MYO3B: variants seen among roughly 807,000 people sequenced by gnomAD.
MYO3B encodes the protein myosin-IIIb.
In MYO3B, 156 loss-of-function variants were observed where a neutral mutation model predicts 174.6. That is an observed-to-expected ratio of 0.89 (90% CI 0.78 to 1.02). The LOEUF is 1.02. Ranked by LOEUF, MYO3B falls within the 50% of genes least tolerant of loss-of-function variation. The pLI is 0.00. For missense variants in MYO3B, 1,632 were observed against 1,639.4 expected, an observed-to-expected ratio of 1.00 and a Z score of 0.08; for synonymous variants, 563 against 569.1, an observed-to-expected ratio of 0.99 and a Z score of 0.15.
At chr2:170,262,007 C>T (rs2093349270) in intron 7 of MYO3B, among the ~76,000 whole-genome samples, 1 of 152,244 alleles carries the variant, frequency 6.6e-6, no homozygotes, top group Non-Finnish European at 1.5e-5. Flanking sequence ...AGAGCTTCTG[C>T]CCTTGAGAGT....
At chr2:170,362,962 T>C (rs924627255) in intron 8 of MYO3B, among the ~76,000 whole-genome samples, 2 of 152,226 alleles carry the variant, frequency 1.3e-5, no homozygotes, top group Non-Finnish European at 2.9e-5. Flanking sequence ...TACTGTGTGC[T>C]CTGATATTTA....
chr2:170,586,974 G>C (rs898830344), intron 32 of MYO3B, among the ~76,000 whole-genome samples: 2 of 152,166 alleles, frequency 1.3e-5, no homozygotes, highest in Non-Finnish European at 2.9e-5. Flanking sequence ...AACTCAATTC[G>C]TATGGATTTT....
At chr2:170,469,999 G>A (rs1327470971) in intron 25 of MYO3B, among the ~76,000 whole-genome samples, 1 of 150,898 alleles carries the variant, frequency 6.6e-6, no homozygotes, top group Non-Finnish European at 1.5e-5. Flanking sequence ...CTACTGAGCA[G>A]GCTGAGGCAG....
chr2:170,286,816 T>G (rs374739590), intron 7 of MYO3B, among the ~76,000 whole-genome samples: 5 of 152,134 alleles, frequency 3.3e-5, no homozygotes, highest in African/African-American at 1.2e-4. Context: ...TTTACCATTT[T>G]TAAGTATAGA....
chr2:170,619,734 A>ATTTT (rs1553539465), intron 32 of MYO3B, among the ~76,000 whole-genome samples: 3 of 33,518 alleles, frequency 9.0e-5, no homozygotes, highest in Non-Finnish European at 1.5e-4. Flanking sequence ...CTGCTGCCAT[A>ATTTT]TTCTTTTTTT....
At chr2:170,593,981 C>T (rs73978726) in intron 32 of MYO3B, among the ~76,000 whole-genome samples, 4,917 of 152,220 alleles carry the variant, frequency 0.032, 292 homozygotes, top group African/African-American at 0.11. Context: ...CCCAGCATTC[C>T]TTCTCATCCA....
At chr2:170,372,733 G>T (rs1423120735) in intron 9 of MYO3B, among the ~76,000 whole-genome samples, 1 of 152,218 alleles carries the variant, frequency 6.6e-6, no homozygotes, top group Non-Finnish European at 1.5e-5. Flanking sequence ...ACCTAAGTCA[G>T]TCTGGGGTTG....
intron 22 of MYO3B, among the ~76,000 whole-genome samples, chr2:170,413,241 CTGTT>C (rs761069442): frequency 2.6e-5 from 4 of 152,206 alleles, no homozygotes; most frequent in East Asian, 1.9e-4. Flanking sequence ...GGAGTGGTGT[CTGTT>C]TGTTTGTTTT....
chr2:170,200,210 A>T lies in MYO3B; in HGVS notation c.247A>T (p.Asn83Tyr). Residue 83 changes from asparagine (N) to tyrosine (Y), a missense_variant, in exon 3 of 35, where the codon AAT becomes TAT. By Grantham distance (143) the Asn-to-Tyr change is moderately radical. Transcript: ENST00000408978. ...NILQFLPNHPNVVKFYGMFYK... is the reference protein window; with the variant it reads ...NILQFLPNHPYVVKFYGMFYK... ...TTTGCAGTTCCTTCCTAATCATCCC[A>T]ATGTTGTAAAGTTTTATGGGATGTT... is the stretch of plus-strand genomic sequence containing the variant. The T allele has an allele frequency of 6.2e-7, 1 of 1,613,616 alleles. No individual in the cohort carries two copies. The highest frequency in any genetic ancestry group is 8.5e-7 in the Non-Finnish European group (1 of 1,179,688).
rs190467328 is a variant in MYO3B, at chr2:170,369,080, T to C, written c.816-142T>C. 193 of 574,144 alleles carry C rather than the reference T, an allele frequency of 3.4e-4. 3 individuals are homozygous for C. In the East Asian group the frequency reaches 3.7e-3, roughly 11 times the overall value. The allele number at this position is 574,144 out of a possible 1,614,324, so 35.6% of individuals were successfully genotyped here. On this transcript the variant is annotated intron_variant, in intron 8 of 34. Transcript: ENST00000408978. Reference sequence around the variant, plus strand: ...TATTTTTCTGTTTTCTGGTACATATTAATTAAAGAGAGAGCTGTGTATCAT... The same window carrying C: ...TATTTTTCTGTTTTCTGGTACATATCAATTAAAGAGAGAGCTGTGTATCAT...
chr2:170,635,038 G>C (rs542802699), intron 32 of MYO3B, among the ~76,000 whole-genome samples: 68 of 152,362 alleles, frequency 4.5e-4, no homozygotes, highest in African/African-American at 1.6e-3. Flanking sequence ...TTCAACCATT[G>C]TGGAAGACAG....
chr2:170,375,975 T>A (rs2094289685), intron 9 of MYO3B, among the ~76,000 whole-genome samples: 1 of 152,180 alleles, frequency 6.6e-6, no homozygotes, highest in Non-Finnish European at 1.5e-5. Flanking sequence ...TAATATTAAT[T>A]TTATGCTGGT....
chr2:170,517,341 A>C (rs1688380475), intron 29 of MYO3B, among the ~76,000 whole-genome samples: 1 of 152,238 alleles, frequency 6.6e-6, no homozygotes, highest in African/African-American at 2.4e-5. Context: ...AACCCCAGCA[A>C]AGTAGCTGGG....
chr2:170,479,705 A>G (rs1685558945), intron 25 of MYO3B, among the ~76,000 whole-genome samples: 1 of 147,272 alleles, frequency 6.8e-6, no homozygotes, highest in South Asian at 2.2e-4. Flanking sequence ...ATATATACAC[A>G]TATATAACAC....
intron 7 of MYO3B, among the ~76,000 whole-genome samples, chr2:170,314,261 T>G (rs2105476928): frequency 6.6e-6 from 1 of 152,304 alleles, no homozygotes; most frequent in East Asian, 1.9e-4. Flanking sequence ...GAGGGCAAAA[T>G]AGGCTCCGTT....
At chr2:170,550,051 A>G (rs1051369049) in intron 32 of MYO3B, among the ~76,000 whole-genome samples, 1 of 152,230 alleles carries the variant, frequency 6.6e-6, no homozygotes, top group Admixed American at 6.5e-5. Flanking sequence ...CCATACCCAA[A>G]TTCATGACTG....
intron 7 of MYO3B, among the ~76,000 whole-genome samples, chr2:170,331,486 G>A (rs1574800218): frequency 1.3e-5 from 2 of 152,110 alleles, no homozygotes; most frequent in Non-Finnish European, 2.9e-5. Flanking sequence ...AGGGGATTTA[G>A]GAAGTAGAAC....
chr2:170,238,974 A>G (rs1017560604), intron 7 of MYO3B, among the ~76,000 whole-genome samples: 12 of 152,202 alleles, frequency 7.9e-5, no homozygotes, highest in Admixed American at 6.5e-4. Flanking sequence ...CCCACTTTGC[A>G]AACACACAGA....
At chr2:170,330,726 C>T (rs1039631784) in intron 7 of MYO3B, among the ~76,000 whole-genome samples, 2 of 152,144 alleles carry the variant, frequency 1.3e-5, no homozygotes, top group Non-Finnish European at 2.9e-5. Context: ...TATATATATT[C>T]AGGGACCTGG....
Sources: gnomAD v4.1 joint callset for allele counts (sites outside exome capture counted in the v4.1 genomes callset) on GRCh38, gnomAD v4.1.1 for gene constraint, MANE v1.5 for transcripts, NCBI Gene and HGNC (gene_info 2026-07-23, HGNC 2026-07-21) for gene names.